The following MTA2 variants were observed in gnomAD, a reference collection of about 807,000 sequenced individuals.
MTA2 encodes the protein metastasis-associated protein MTA2.
In MTA2, 22 loss-of-function variants were observed where a neutral mutation model predicts 87.1. The observed-to-expected ratio is 0.25, with a 90% CI of 0.18 to 0.36. MTA2 has a LOEUF of 0.36. MTA2 is among the 10% of genes least tolerant of loss of function. The pLI, the probability that MTA2 is intolerant of heterozygous loss-of-function variation, is 1.00. For missense variants in MTA2, 542 were observed against 853.2 expected (o/e 0.64, Z 4.54); for synonymous variants, 314 against 310.1 (o/e 1.01, Z -0.13).
chr11:62,600,382 A>G (rs1942165398), intron 2 of MTA2, 123 bp from the exon 3 acceptor site: 2 of 880,352 alleles, frequency 2.3e-6, no homozygotes, highest in South Asian at 3.3e-5. Flanking sequence ...AAAAAGCCCA[A>G]GAAAATATGA....
At chr11:62,597,012 AC>A in intron 8 of MTA2, among the ~76,000 whole-genome samples, 187 bp from the exon 9 acceptor site, 1 of 152,118 alleles carries the variant, frequency 6.6e-6, no homozygotes, top group East Asian at 1.9e-4. Context: ...AAACGGTGAA[AC>A]CCCGTCTCTA....
chr11:62,595,741 C>T lies in MTA2; in HGVS notation c.1254+11G>A, dbSNP rs761528931. 1 of 1,613,898 alleles carries T rather than the reference C, an allele frequency of 6.2e-7. No individual in the cohort carries two copies. Among genetic ancestry groups the T allele is most frequent in the Non-Finnish European group, 8.5e-7 (1 of 1,179,878 alleles). ...CTGCTCTCCCCTGCTTTTCTTCCCA[C>T]TGATCCTTACCGTGGTGCCCCGAGT... On this transcript the variant is annotated intron_variant, in intron 13 of 17. Transcript: ENST00000278823. The surrounding 1 kb of genome is among the most constrained non-coding windows in gnomAD (Gnocchi z 4.9).
At position 62,601,527 on chromosome 11, in the gene MTA2, AGCCCCGAACGGTGGG is replaced by A; in HGVS notation, c.-92_-78del. On this transcript the variant is annotated 5_prime_UTR_variant, in exon 1 of 18. Coordinates refer to ENST00000278823, the MANE Select transcript of MTA2 (RefSeq NM_004739.4). The stretch of plus-strand genomic sequence containing the variant: ...GGGGGCAGGGCTCGGCTCGAGGCAA[AGCCCCGAACGGTGGG>A]CTGCCGCTTCGAGGGAGTCTCACTG... The A allele has an allele frequency of 6.6e-7, 1 of 1,521,232 alleles. No individual in the cohort carries two copies. The highest frequency in any genetic ancestry group is 8.8e-7 in the Non-Finnish European group (1 of 1,130,928). The allele number at this position is 1,521,232 out of a possible 1,614,324, so 94.2% of individuals were successfully genotyped here. A position where few individuals can be genotyped will look rare whatever the true frequency, so the allele number is the denominator to read the frequency against.
intron 1 of MTA2, chr11:62,600,964 C>T: frequency 2.0e-6 from 1 of 497,208 alleles, no homozygotes; most frequent in Non-Finnish European, 3.6e-6. Flanking sequence ...CACAACTCAG[C>T]GATGAGTTGC....
Position 62,594,048 on chromosome 11 carries a change from G to A in MTA2, c.1842-8C>T, listed in dbSNP as rs1395542074. ...AGAGCCTTCCGTAGGGCCCTGGCCA[G>A]AAAGAGCAAGTGGGAAACAGAAAAG... On this transcript the variant is annotated splice_polypyrimidine_tract_variant and splice_region_variant and intron_variant, in intron 17 of 17. Transcript: ENST00000278823. The A allele has an allele frequency of 3.2e-6, 5 of 1,584,830 alleles. No homozygotes were observed. The highest frequency in any genetic ancestry group is 3.4e-6 in the Non-Finnish European group (4 of 1,167,034).
chr11:62,597,172 G>A, intron 8 of MTA2, 144 bp downstream of exon 8: 2 of 650,744 alleles, frequency 3.1e-6, no homozygotes, highest in South Asian at 4.2e-5. Context: ...CTGGGCGACA[G>A]AGCAAGACTC....
At chr11:62,599,824 T>C (rs924434986) in intron 3 of MTA2, among the ~76,000 whole-genome samples, 3 of 152,190 alleles carry the variant, frequency 2.0e-5, no homozygotes, top group Non-Finnish European at 4.4e-5. Flanking sequence ...AATGTCTTCC[T>C]CTTCACGTTG....
At chr11:62,594,478 C>T (rs1436735967) in intron 16 of MTA2, 38 bp downstream of exon 16, 1 of 1,612,914 alleles carries the variant, frequency 6.2e-7, no homozygotes. Flanking sequence ...CAAAAGCCCA[C>T]CCAACTCAAT....
intron 6 of MTA2, 71 bp downstream of exon 6, chr11:62,597,953 A>C: frequency 7.4e-7 from 1 of 1,355,058 alleles, no homozygotes; most frequent in Admixed American, 1.7e-5. Context: ...CCATTCACAG[A>C]GACTATAATG....
chr11:62,600,139 G>A lies in MTA2; in HGVS notation c.190+27C>T, dbSNP rs757489371. 1.9e-6 allele frequency: 3 copies of A among 1,599,020 alleles called. No homozygotes were observed. In the East Asian group the frequency reaches 6.7e-5, roughly 36 times the overall value. ...CCCAGGCCTCAGATCATGGGTAGGA[G>A]AAAAAGAAAGGGAGGAAGATACTCA... On this transcript the variant is annotated intron_variant, in intron 3 of 17. Transcript: ENST00000278823.
At position 62,596,721 on chromosome 11, in the gene MTA2, C is replaced by T; in HGVS notation, c.798G>A (p.Glu266=). 1 of 1,614,216 alleles carries T rather than the reference C, an allele frequency of 6.2e-7. No homozygotes were observed. Among genetic ancestry groups the T allele is most frequent in the South Asian group, 1.1e-5 (1 of 91,090 alleles). The change falls in exon 9 of 18, where the codon GAG becomes GAA. Residue 266 remains glutamate (E), a synonymous_variant. Transcript: ENST00000278823. ...GCATGGCCTCTGAGGCTGACCATTC[C>T]TCCATCTCATCCCGACACAGCACCG... ...GGPVLCRDEM[E]EWSASEAMLF...
Position 62,593,599 on chromosome 11 carries a change from T to A in MTA2, c.*276A>T. 1 of 354,816 alleles carries A rather than the reference T, an allele frequency of 2.8e-6. No homozygotes were observed. The highest frequency in any genetic ancestry group is 5.1e-6 in the Non-Finnish European group (1 of 195,326). 22.0% of individuals were successfully genotyped at this position (354,816 alleles called of 1,614,324 possible). A position where few individuals can be genotyped will look rare whatever the true frequency, so the allele number is the denominator to read the frequency against. On this transcript the variant is annotated 3_prime_UTR_variant, in exon 18 of 18. Coordinates refer to ENST00000278823, the MANE Select transcript of MTA2 (RefSeq NM_004739.4). ...AATTAAAAAACCCTCCCCCCAAAACTGTCCAAGACATCTGTGGGTCCTACC... is the reference window on the plus strand; with the variant it reads ...AATTAAAAAACCCTCCCCCCAAAACAGTCCAAGACATCTGTGGGTCCTACC...
chr11:62,596,537 G>T lies in MTA2; in HGVS notation c.883-5C>A. On this transcript the variant is annotated splice_region_variant and splice_polypyrimidine_tract_variant and intron_variant, in intron 9 of 17. Transcript: ENST00000278823. Reference sequence around the variant, plus strand: ...GGCAAGTGACTTCCAGGGTAGCTAAGGGGGGCAGAGGGAGGAAGAATGAGC... The same window carrying T: ...GGCAAGTGACTTCCAGGGTAGCTAATGGGGGCAGAGGGAGGAAGAATGAGC... 3 of 1,614,076 alleles carry T rather than the reference G, an allele frequency of 1.9e-6. No homozygotes were observed. The highest frequency in any genetic ancestry group is 2.5e-6 in the Non-Finnish European group (3 of 1,179,926).
chr11:62,597,232 A>C, intron 8 of MTA2, 84 bp downstream of exon 8: 5 of 920,052 alleles, frequency 5.4e-6, no homozygotes, highest in Non-Finnish European at 8.4e-6. Context: ...CCACTCCCTC[A>C]GAGATACCCT....
At position 62,594,522 on chromosome 11, in the gene MTA2, A is replaced by G; in HGVS notation, c.1686T>C (p.Tyr562=). Residue 562 remains tyrosine, a synonymous_variant, in exon 16 of 18, where the codon TAT becomes TAC. Transcript: ENST00000278823. ...CCCCTTTCTGTCAACTCACAGTCTC[A>G]TAGGCCCGTTTCACCATAATGCCCC... is the stretch of plus-strand genomic sequence containing the variant. ...GLGGIMVKRA[Y]ETMAGAGVPF... 1 of 1,613,992 alleles carries G rather than the reference A, an allele frequency of 6.2e-7. No individual in the cohort carries two copies. The highest frequency in any genetic ancestry group is 8.5e-7 in the Non-Finnish European group (1 of 1,179,980).
intron 8 of MTA2, 31 bp from the exon 9 acceptor site, chr11:62,596,856 C>T (rs1457966562): frequency 5.7e-6 from 9 of 1,569,930 alleles, no homozygotes; most frequent in Admixed American, 1.9e-5. Flanking sequence ...AACTGAGGAC[C>T]TGAAACTTTT....
At position 62,595,185 on chromosome 11, in the gene MTA2, T is replaced by C; in HGVS notation, c.1483+79A>G. The C allele has an allele frequency of 6.5e-7, 1 of 1,549,826 alleles. No individual in the cohort carries two copies. Among genetic ancestry groups the C allele is most frequent in the Non-Finnish European group, 8.9e-7 (1 of 1,126,888 alleles). On this transcript the variant is annotated intron_variant, in intron 14 of 17. Coordinates refer to ENST00000278823, the MANE Select transcript of MTA2 (RefSeq NM_004739.4). This position sits in a 1 kb window ranked among gnomAD's most constrained non-coding sequence, Gnocchi z 4.9. ...CTGTGGCCTACTATCCCTCCTGTTA[T>C]TAGACATCCAGAGAAACAACGGTCT...
At chr11:62,599,596 G>T (rs1038869871) in intron 3 of MTA2, among the ~76,000 whole-genome samples, 1 of 140,914 alleles carries the variant, frequency 7.1e-6, no homozygotes, top group Non-Finnish European at 1.5e-5. Context: ...AGGAAAATAT[G>T]TTTTTTAAAA....
intron 15 of MTA2, 73 bp from the exon 16 acceptor site, chr11:62,594,707 C>G: frequency 7.1e-7 from 1 of 1,400,414 alleles, no homozygotes; most frequent in Non-Finnish European, 1.0e-6. Flanking sequence ...ATCTCTCTTC[C>G]CTGGACCAGC....
Sources: gnomAD v4.1 joint callset for allele counts (sites outside exome capture counted in the v4.1 genomes callset) on GRCh38, gnomAD v4.1.1 for gene constraint, Gnocchi (gnomAD v3.1) non-coding constraint, MANE v1.5 for transcripts, NCBI Gene and HGNC (gene_info 2026-07-23, HGNC 2026-07-21) for gene names.